Variants in DACH2 observed in about 807,000 individuals in gnomAD.
DACH2 encodes dachshund family transcription factor 2, also known as dachshund homolog 2.
DACH2 carries 17 observed loss-of-function variants against 35.8 expected under a neutral mutation model. That is an observed-to-expected ratio of 0.48 (90% CI 0.33 to 0.71). The LOEUF (loss-of-function observed/expected upper bound fraction) is 0.71, where lower values mean the gene tolerates loss of function less well. Ranked by LOEUF, DACH2 falls within the 30% of genes least tolerant of loss-of-function variation. The probability of loss-of-function intolerance (pLI) is 0.02; values close to 1 mark genes in which losing one functional copy is unlikely to be tolerated. For missense variants in DACH2, 469 were observed against 472.7 expected (o/e 0.99, Z 0.07); for synonymous variants, 195 against 177.3 (o/e 1.10, Z -0.79).
chrX:86,682,879 A>G (rs2040897949), intron 4 of DACH2, among the ~76,000 whole-genome samples: 1 of 110,919 alleles, frequency 9.0e-6, no homozygotes, highest in African/African-American at 3.3e-5. Context: ...TTTTTTCCAT[A>G]TAGAATAATT....
intron 1 of DACH2, among the ~76,000 whole-genome samples, chrX:86,366,927 G>T (rs1052288044): frequency 8.1e-5 from 9 of 110,782 alleles, no homozygotes; most frequent in Non-Finnish European, 1.5e-4. Flanking sequence ...ATAGAAATGT[G>T]AGCCAAATAA....
chrX:86,502,475 G>A (rs751496915), intron 2 of DACH2, among the ~76,000 whole-genome samples: 1 of 112,019 alleles, frequency 8.9e-6, no homozygotes, highest in South Asian at 3.7e-4. Flanking sequence ...TACAAAAAGA[G>A]AAACAATCAA....
chrX:86,585,236 A>G (rs1056649413), intron 3 of DACH2, among the ~76,000 whole-genome samples: 5 of 111,241 alleles, frequency 4.5e-5, no homozygotes, highest in African/African-American at 1.6e-4. Context: ...TCCAAACTGC[A>G]TACCACAGTG....
At chrX:86,288,294 C>T (rs1056046901) in intron 1 of DACH2, among the ~76,000 whole-genome samples, 1 of 110,078 alleles carries the variant, frequency 9.1e-6, no homozygotes, top group African/African-American at 3.3e-5. Context: ...GTGACAACTA[C>T]CTCTATGGCC....
rs559400289 is a variant in DACH2, at chrX:86,514,211, G to T, written c.528-68G>T. 197 of 938,303 alleles carry T rather than the reference G, an allele frequency of 2.1e-4. 1 individual carries two copies. In the South Asian group the frequency reaches 3.8e-3, roughly 18 times the overall value. 77.3% of individuals were successfully genotyped at this position (938,303 alleles called of 1,213,427 possible). A position where few individuals can be genotyped will look rare whatever the true frequency, so the allele number is the denominator to read the frequency against. On this transcript the variant is annotated intron_variant, in intron 2 of 11. Transcript: ENST00000373125. The stretch of plus-strand genomic sequence containing the variant: ...AAACAAGATTTAAAAGGTAAATATT[G>T]CAAGTGATGGTTTTCTCAAAAAGAG...
chrX:86,531,062 A>C (rs1225728777), intron 3 of DACH2, among the ~76,000 whole-genome samples: 1 of 112,150 alleles, frequency 8.9e-6, no homozygotes, highest in African/African-American at 3.2e-5. Context: ...ATTTCTAAGC[A>C]GCAAAGCATT....
chrX:86,170,328 G>T (rs1251243965), intron 1 of DACH2, among the ~76,000 whole-genome samples: 1 of 111,324 alleles, frequency 9.0e-6, no homozygotes, highest in Non-Finnish European at 1.9e-5. Flanking sequence ...CCCAATTTCG[G>T]CTGTAACAAC....
At chrX:86,659,309 C>G (rs1235344897) in intron 4 of DACH2, among the ~76,000 whole-genome samples, 1 of 110,812 alleles carries the variant, frequency 9.0e-6, no homozygotes, top group Non-Finnish European at 1.9e-5. Flanking sequence ...TAACTCATTC[C>G]AGGAGTAAGC....
At chrX:86,546,357 C>T (rs28455929) in intron 3 of DACH2, among the ~76,000 whole-genome samples, 9,063 of 50,201 alleles carry the variant, frequency 0.18, 1,997 homozygotes, top group African/African-American at 0.53. Flanking sequence ...CTTCTTCTTC[C>T]TCTTCTTCTT....
chrX:86,385,322 A>G (rs1182852323), intron 2 of DACH2, among the ~76,000 whole-genome samples: 1 of 111,583 alleles, frequency 9.0e-6, no homozygotes, highest in Non-Finnish European at 1.9e-5. Context: ...ACATTAAGTG[A>G]AGGGATTTGG....
At chrX:86,746,745 A>G (rs1477705769) in intron 7 of DACH2, among the ~76,000 whole-genome samples, 1 of 111,308 alleles carries the variant, frequency 9.0e-6, no homozygotes, top group African/African-American at 3.3e-5. Context: ...TTTTCGTAGT[A>G]TCCTTTGATG....
chrX:86,155,691 C>G (rs1315003936), intron 1 of DACH2, among the ~76,000 whole-genome samples: 1 of 111,152 alleles, frequency 9.0e-6, no homozygotes, highest in African/African-American at 3.2e-5. Flanking sequence ...CAAATTTTCT[C>G]TTATTCAGCT....
chrX:86,321,866 A>G (rs2035022141), intron 1 of DACH2, among the ~76,000 whole-genome samples: 1 of 111,840 alleles, frequency 8.9e-6, no homozygotes, highest in African/African-American at 3.2e-5. Flanking sequence ...TTATTTGTCT[A>G]AAGTCTTGAA....
At chrX:86,255,550 A>G (rs1024501126) in intron 1 of DACH2, among the ~76,000 whole-genome samples, 2 of 111,455 alleles carry the variant, frequency 1.8e-5, no homozygotes, top group Admixed American at 1.9e-4. Flanking sequence ...GATATTAGGC[A>G]AGATACTTTC....
At chrX:86,733,000 G>T (rs2041548544) in intron 6 of DACH2, among the ~76,000 whole-genome samples, 1 of 111,175 alleles carries the variant, frequency 9.0e-6, no homozygotes, top group South Asian at 3.7e-4. Flanking sequence ...AGCCTGATGG[G>T]GGCTGGAGAA....
intron 2 of DACH2, among the ~76,000 whole-genome samples, chrX:86,425,630 T>A (rs2036880557): frequency 9.0e-6 from 1 of 110,805 alleles, no homozygotes; most frequent in African/African-American, 3.3e-5. Context: ...AAACCAACTT[T>A]TTGTTTCATG....
At chrX:86,703,023 A>C (rs892163572) in intron 5 of DACH2, among the ~76,000 whole-genome samples, 1 of 111,289 alleles carries the variant, frequency 9.0e-6, no homozygotes, top group African/African-American at 3.3e-5. Context: ...ATCCTCAATA[A>C]ATTACAAGAA....
At position 86,605,279 on chromosome X, in the gene DACH2, C is replaced by T. The variant is rs967876824; in HGVS notation, c.641-45757C>T. ...TCATATTGTTTCTATCTGAAACCCC[C>T]CTTTAAAAAAACATTTCTTTTAGTG... On this transcript the variant is annotated intron_variant, in intron 3 of 11. Coordinates refer to ENST00000373125, the MANE Select transcript of DACH2 (RefSeq NM_053281.3). Among the ~76,000 whole-genome samples the T allele has an allele frequency of 2.7e-4, 30 of 110,873 alleles. 1 individual carries two copies. Among genetic ancestry groups the T allele is most frequent in the African/African-American group, 8.8e-4 (27 of 30,546 alleles).
intron 3 of DACH2, among the ~76,000 whole-genome samples, chrX:86,541,803 T>C (rs1247068919): frequency 2.7e-5 from 3 of 111,662 alleles, no homozygotes; most frequent in Non-Finnish European, 5.6e-5. Flanking sequence ...GAAGAAATCA[T>C]GTCACAGGGG....
Sources: gnomAD v4.1 joint callset for allele counts (sites outside exome capture counted in the v4.1 genomes callset) on GRCh38, gnomAD v4.1.1 for gene constraint, MANE v1.5 for transcripts, NCBI Gene and HGNC (gene_info 2026-07-23, HGNC 2026-07-21) for gene names.